Variants in ETFBKMT observed in about 807,000 individuals in gnomAD.
ETFBKMT encodes the protein electron transfer flavoprotein beta subunit lysine methyltransferase.
Under a neutral mutation model 18.3 loss-of-function variants are expected in ETFBKMT, and 13 were observed. The ratio of observed to expected loss-of-function variants is 0.71; its 90% CI spans 0.46 to 1.13. The LOEUF is 1.13. Ranked by LOEUF, ETFBKMT falls within the 50% of genes most tolerant of loss-of-function variation. ETFBKMT has a pLI of 0.00. For missense variants in ETFBKMT, 293 were observed against 306.2 expected, an observed-to-expected ratio of 0.96 and a Z score of 0.32; for synonymous variants, 84 against 107.9, an observed-to-expected ratio of 0.78 and a Z score of 1.37.
chr12:31,660,829 G>A (rs901470387), intron 1 of ETFBKMT: 1 of 152,104 alleles, frequency 6.6e-6, no homozygotes, highest in Non-Finnish European at 1.5e-5. Context: ...CAGAACTCTT[G>A]GCTAGACTTC....
intron 1 of ETFBKMT, among the ~76,000 whole-genome samples, chr12:31,653,241 G>A (rs1194797317): frequency 1.3e-5 from 2 of 150,914 alleles, no homozygotes; most frequent in African/African-American, 4.9e-5. Context: ...CCAGTGTGTA[G>A]TAACATTGTG....
upstream of ETFBKMT, among the ~76,000 whole-genome samples, chr12:31,657,412 A>C (rs1232770278): frequency 6.6e-6 from 1 of 152,210 alleles, no homozygotes; most frequent in East Asian, 1.9e-4. Flanking sequence ...CCTGTTTTTC[A>C]TGCTTTGTCT....
intron 1 of ETFBKMT, among the ~76,000 whole-genome samples, chr12:31,649,523 T>C (rs1278457186): frequency 2.6e-5 from 4 of 152,186 alleles, no homozygotes; most frequent in African/African-American, 9.6e-5. Flanking sequence ...CCATTTTTTT[T>C]TCAAACAGAG....
At chr12:31,665,214 G>A (rs1951178844) in intron 2 of ETFBKMT, among the ~76,000 whole-genome samples, 2 of 152,184 alleles carry the variant, frequency 1.3e-5, no homozygotes, top group Non-Finnish European at 2.9e-5. Context: ...GGGATTACAG[G>A]CAGGAGCCAC....
Position 31,649,355 on chromosome 12 carries a change from T to C in ETFBKMT, c.-114+2100T>C, listed in dbSNP as rs141998509. Among the ~76,000 whole-genome samples the C allele has an allele frequency of 1.6e-4, 25 of 152,338 alleles. No homozygotes were observed. In the East Asian group the frequency reaches 4.4e-3, roughly 27 times the overall value. On this transcript the variant is annotated intron_variant, in intron 1 of 3. Coordinates refer to the ETFBKMT transcript ENST00000412352. ...TCTACAACATGAATGAAGAAAACAT[T>C]ATGCTCAATGAAAGAGTCAGTCACA...
At chr12:31,649,045 T>G (rs903630242) in intron 1 of ETFBKMT, among the ~76,000 whole-genome samples, 2 of 150,888 alleles carry the variant, frequency 1.3e-5, no homozygotes, top group Non-Finnish European at 2.9e-5. Context: ...TGGCGTGCAA[T>G]TGGCTCATGC....
At chr12:31,648,919 C>T (rs1270179241) in intron 1 of ETFBKMT, among the ~76,000 whole-genome samples, 4 of 151,428 alleles carry the variant, frequency 2.6e-5, no homozygotes, top group African/African-American at 9.7e-5. Flanking sequence ...CCTTGTGATC[C>T]GCCTGCCTCA....
Position 31,662,073 on chromosome 12 carries a change from A to G in ETFBKMT, c.120A>G (p.Gly40=). 6.2e-7 allele frequency: 1 copy of G among 1,614,168 alleles called. No individual in the cohort carries two copies. The highest frequency in any genetic ancestry group is 8.5e-7 in the Non-Finnish European group (1 of 1,180,020). Reference sequence around the variant, plus strand: ...GCCAGTGTCCCTGGAGAGGAGCTGGAAGCTTTTTGGACCCTGAGATAAAGG... The same window carrying G: ...GCCAGTGTCCCTGGAGAGGAGCTGGGAGCTTTTTGGACCCTGAGATAAAGG... The part of the protein sequence containing the change: ...PCGQCPWRGA[G]SFLDPEIKAF... Residue 40 remains glycine, a synonymous_variant, in exon 2 of 4, where the codon GGA becomes GGG. Coordinates refer to ENST00000357721, the MANE Select transcript of ETFBKMT (RefSeq NM_001135863.2).
chr12:31,664,214 C>T (rs552962355), intron 2 of ETFBKMT, among the ~76,000 whole-genome samples: 5 of 151,896 alleles, frequency 3.3e-5, no homozygotes, highest in Non-Finnish European at 7.4e-5. Flanking sequence ...AGCGTTTCTC[C>T]ATCCCTCTTC....
chr12:31,659,217 C>A (rs920149615), upstream of ETFBKMT: 5 of 152,294 alleles, frequency 3.3e-5, no homozygotes, highest in Non-Finnish European at 7.3e-5. Context: ...GTCCCGCCCC[C>A]TGCCGGGCCG....
At chr12:31,658,054 C>T (rs542398981), upstream of ETFBKMT, among the ~76,000 whole-genome samples, 4 of 152,140 alleles carry the variant, frequency 2.6e-5, no homozygotes, top group South Asian at 2.1e-4. Context: ...TTTCCAGGAA[C>T]CAACCCTCTT....
chr12:31,654,444 G>A (rs558715431), upstream of ETFBKMT, among the ~76,000 whole-genome samples: 3 of 152,194 alleles, frequency 2.0e-5, no homozygotes, highest in Non-Finnish European at 4.4e-5. Context: ...AGGAAAGAAA[G>A]CCTAAGTCTG....
At position 31,670,369 on chromosome 12, in the gene ETFBKMT, TTTC is replaced by T. The variant is rs1389940809; in HGVS notation, c.*2382_*2384del. ...TTGACTTTTCAGTTTATTGAGCTTT[TTTC>T]TTATTGTGAGGATGGGAATGATGAC... is the stretch of plus-strand genomic sequence containing the variant. On this transcript the variant is annotated 3_prime_UTR_variant, in exon 4 of 4. Coordinates refer to ENST00000357721, the MANE Select transcript of ETFBKMT (RefSeq NM_001135863.2). 1.3e-5 allele frequency: 2 copies of T among 152,248 alleles called. No homozygotes were observed. The highest frequency in any genetic ancestry group is 2.9e-5 in the Non-Finnish European group (2 of 68,046). The allele number at this position is 152,248 out of a possible 1,614,324, so 9.4% of individuals were successfully genotyped here. A position where few individuals can be genotyped will look rare whatever the true frequency, so the allele number is the denominator to read the frequency against.
chr12:31,650,462 A>G (rs1592131063), intron 1 of ETFBKMT, among the ~76,000 whole-genome samples: 1 of 152,308 alleles, frequency 6.6e-6, no homozygotes, highest in East Asian at 1.9e-4. Context: ...TCTTTGGAGT[A>G]GCCATTCTTT....
At chr12:31,648,778 G>T (rs890911776) in intron 1 of ETFBKMT, among the ~76,000 whole-genome samples, 1 of 151,906 alleles carries the variant, frequency 6.6e-6, no homozygotes. Context: ...AGCCAGGATG[G>T]TCTCGATCTC....
At chr12:31,654,710 A>G (rs1951045362), upstream of ETFBKMT, among the ~76,000 whole-genome samples, 1 of 152,216 alleles carries the variant, frequency 6.6e-6, no homozygotes, top group Non-Finnish European at 1.5e-5. Context: ...GAAAATCTAG[A>G]AAAAGCAAAG....
In ETFBKMT at chr12:31,667,684, C is replaced by T. The variant is rs748689531; in HGVS notation, c.483C>T (p.Asn161=). The T allele has an allele frequency of 6.2e-7, 1 of 1,611,828 alleles. No homozygotes were observed. The highest frequency in any genetic ancestry group is 2.2e-5 in the East Asian group (1 of 44,828). ...CTATTACACTAAATTGTGAATTGAACAGACTGAATCCTTTTCCTATTTTAA... is the reference window on the plus strand; with the variant it reads ...CTATTACACTAAATTGTGAATTGAATAGACTGAATCCTTTTCCTATTTTAA... ...GMAITLNCEL[N]RLNPFPILIQ... The change falls in exon 4 of 4, where the codon AAC becomes AAT. Residue 161 remains asparagine, a synonymous_variant. Coordinates refer to ENST00000357721, the MANE Select transcript of ETFBKMT (RefSeq NM_001135863.2).
intron 1 of ETFBKMT, among the ~76,000 whole-genome samples, chr12:31,651,422 C>T (rs1156268094): frequency 6.6e-6 from 1 of 151,686 alleles, no homozygotes; most frequent in African/African-American, 2.4e-5. Context: ...TGAGGCAACC[C>T]GGGTTCAAGC....
chr12:31,649,217 A>G (rs1950994977), intron 1 of ETFBKMT, among the ~76,000 whole-genome samples: 1 of 152,222 alleles, frequency 6.6e-6, no homozygotes, highest in Non-Finnish European at 1.5e-5. Context: ...AAAAGTCTAT[A>G]CATGCTGTTC....
Sources: allele counts gnomAD v4.1 joint callset (sites outside exome capture counted in the v4.1 genomes callset), GRCh38; gene constraint gnomAD v4.1.1; transcripts MANE v1.5; gene names NCBI Gene and HGNC (gene_info 2026-07-23, HGNC 2026-07-21).